Variants in FMN2 observed in about 807,000 individuals in gnomAD.
FMN2 encodes the protein formin-2.
A neutral mutation model predicts 142.3 loss-of-function variants in FMN2; 51 were observed. That is an observed-to-expected ratio of 0.36 (90% CI 0.29 to 0.45). The LOEUF (loss-of-function observed/expected upper bound fraction) is 0.45, where lower values mean the gene tolerates loss of function less well. Ranked by LOEUF, FMN2 falls within the 20% of genes least tolerant of loss-of-function variation. FMN2 has a pLI of 1.00. For synonymous variants in FMN2, 882 were observed against 869.8 expected (o/e 1.01, Z -0.25); for missense variants, 1,936 against 2,122.8 (o/e 0.91, Z 1.73).
At chr1:240,184,517 G>GATT (rs561666205) in intron 3 of FMN2, among the ~76,000 whole-genome samples, 11 of 119,790 alleles carry the variant, frequency 9.2e-5, no homozygotes, top group South Asian at 2.8e-4. Context: ...CGCCCGGCCT[G>GATT]TTTTTTTTTT....
intron 16 of FMN2, among the ~76,000 whole-genome samples, chr1:240,470,363 G>A (rs1004014032): frequency 3.3e-5 from 5 of 152,134 alleles, no homozygotes; most frequent in African/African-American, 1.2e-4. Flanking sequence ...AAGGATTAAA[G>A]GCAATTTATG....
intron 14 of FMN2, among the ~76,000 whole-genome samples, chr1:240,358,974 A>C (rs1672374428): frequency 6.6e-6 from 1 of 152,002 alleles, no homozygotes. Context: ...AAAATACAAA[A>C]GTTAGCCGGG....
At chr1:240,163,329 A>G (rs942180019) in intron 2 of FMN2, among the ~76,000 whole-genome samples, 3 of 152,166 alleles carry the variant, frequency 2.0e-5, no homozygotes, top group South Asian at 2.1e-4. Flanking sequence ...GTTTGTGGAC[A>G]TGTGTTTTTC....
At chr1:240,266,540 A>C (rs955605497) in intron 7 of FMN2, among the ~76,000 whole-genome samples, 2 of 151,812 alleles carry the variant, frequency 1.3e-5, no homozygotes, top group South Asian at 4.1e-4. Flanking sequence ...AAAGGACATG[A>C]TTTTGTTTGT....
intron 4 of FMN2, among the ~76,000 whole-genome samples, chr1:240,200,019 G>C (rs1666069086): frequency 6.6e-6 from 1 of 152,216 alleles, no homozygotes; most frequent in South Asian, 2.1e-4. Flanking sequence ...ATAATGAAAA[G>C]TGTATCTCTT....
intron 7 of FMN2, among the ~76,000 whole-genome samples, chr1:240,261,488 T>G (rs1002890696): frequency 1.3e-5 from 2 of 152,190 alleles, no homozygotes; most frequent in Non-Finnish European, 2.9e-5. Context: ...CCTTCTTTGC[T>G]GTCAGTACTC....
intron 1 of FMN2, among the ~76,000 whole-genome samples, chr1:240,109,087 T>A (rs1370456617): frequency 6.6e-6 from 1 of 152,058 alleles, no homozygotes; most frequent in African/African-American, 2.4e-5. Context: ...GGAAAAAATA[T>A]CAGTGACATA....
chr1:240,163,527 A>G (rs182310125), intron 2 of FMN2, among the ~76,000 whole-genome samples: 1 of 152,280 alleles, frequency 6.6e-6, no homozygotes, highest in East Asian at 1.9e-4. Flanking sequence ...TGCCTTCTTT[A>G]GTTTAAAATT....
chr1:240,255,925 C>A (rs1430844692), intron 6 of FMN2, among the ~76,000 whole-genome samples: 1 of 152,052 alleles, frequency 6.6e-6, no homozygotes. Context: ...GAACAGAACT[C>A]TAGGATACGC....
chr1:240,095,386 T>TACACACACACACACACACACAC (rs59692947), intron 1 of FMN2, among the ~76,000 whole-genome samples: 277 of 149,862 alleles, frequency 1.8e-3, no homozygotes, highest in South Asian at 0.015. Flanking sequence ...TATATGTGCA[T>TACACACACACACACACACACAC]ACACACACAC....
At chr1:240,379,178 C>G (rs934099011) in intron 14 of FMN2, among the ~76,000 whole-genome samples, 5 of 152,104 alleles carry the variant, frequency 3.3e-5, no homozygotes, top group African/African-American at 1.2e-4. Flanking sequence ...TCCTTCATGC[C>G]AGTGATAATT....
At chr1:240,390,721 A>G (rs369305511) in intron 14 of FMN2, among the ~76,000 whole-genome samples, 6 of 152,214 alleles carry the variant, frequency 3.9e-5, no homozygotes, top group African/African-American at 1.2e-4. Flanking sequence ...ATGTTAACAG[A>G]TGAATCTGCC....
chr1:240,435,850 G>A (rs1288165573), intron 15 of FMN2, among the ~76,000 whole-genome samples: 1 of 152,158 alleles, frequency 6.6e-6, no homozygotes, highest in African/African-American at 2.4e-5. Flanking sequence ...ACTTACATAT[G>A]GCTACCCAAA....
chr1:240,212,626 G>T (rs111705239), intron 6 of FMN2, among the ~76,000 whole-genome samples: 36 of 152,292 alleles, frequency 2.4e-4, no homozygotes, highest in African/African-American at 8.4e-4. Flanking sequence ...TAAGTCCAGG[G>T]TGACAATGTT....
chr1:240,271,294 G>A (rs192478572), intron 7 of FMN2, among the ~76,000 whole-genome samples: 13 of 151,094 alleles, frequency 8.6e-5, no homozygotes, highest in African/African-American at 2.9e-4. Flanking sequence ...AGGCTTTTTC[G>A]CTTCCCTATT....
chr1:240,333,809 C>T, intron 11 of FMN2, 78 bp from the exon 12 acceptor site: 1 of 1,127,676 alleles, frequency 8.9e-7, no homozygotes. Context: ...CATGAATTCA[C>T]TAGAATCTTT....
chr1:240,378,581 G>C (rs1251800319), intron 14 of FMN2, among the ~76,000 whole-genome samples: 1 of 152,106 alleles, frequency 6.6e-6, no homozygotes, highest in Non-Finnish European at 1.5e-5. Context: ...TTTGTTCTGG[G>C]ACTAAAATGA....
intron 16 of FMN2, among the ~76,000 whole-genome samples, chr1:240,449,178 A>G (rs1675923962): frequency 6.6e-6 from 1 of 151,984 alleles, no homozygotes; most frequent in Admixed American, 6.5e-5. Flanking sequence ...ACATAAGAAG[A>G]AAATGAATTT....
chr1:240,280,275 T>G (rs915939994), intron 7 of FMN2, among the ~76,000 whole-genome samples: 14 of 152,294 alleles, frequency 9.2e-5, no homozygotes, highest in Admixed American at 7.9e-4. Flanking sequence ...CCCTTAAAAT[T>G]GTGATTATAA....
Sources: gnomAD v4.1 joint callset for allele counts (sites outside exome capture counted in the v4.1 genomes callset) on GRCh38, gnomAD v4.1.1 for gene constraint, MANE v1.5 for transcripts, NCBI Gene and HGNC (gene_info 2026-07-23, HGNC 2026-07-21) for gene names.